The following ITGA1 variants were observed in gnomAD, a reference collection of about 807,000 sequenced individuals.
The protein encoded by ITGA1 is integrin subunit alpha 1.
A neutral mutation model predicts 145.9 loss-of-function variants in ITGA1; 85 were observed. The observed-to-expected ratio is 0.58, with a 90% confidence interval of 0.49 to 0.70. ITGA1 has a LOEUF of 0.70. Among genes scored for constraint, ITGA1 ranks in the 30% least tolerant of loss-of-function variants. The pLI is 0.00. For missense variants in ITGA1, 1,351 were observed against 1,418.7 expected (o/e 0.95, Z 0.77); for synonymous variants, 520 against 495.3 (o/e 1.05, Z -0.66).
chr5:52,870,493 AGAAAGG>A (rs1163697235), intron 6 of ITGA1, among the ~76,000 whole-genome samples: 6 of 152,232 alleles, frequency 3.9e-5, no homozygotes, highest in Non-Finnish European at 7.3e-5. Context: ...GAGCCTACTC[AGAAAGG>A]CTTCAGTGGG....
chr5:52,799,042 CCT>C (rs1748400692), intron 1 of ITGA1, among the ~76,000 whole-genome samples: 1 of 152,150 alleles, frequency 6.6e-6, no homozygotes, highest in Non-Finnish European at 1.5e-5. Flanking sequence ...TCCTTTCATC[CCT>C]GTTTCATCTG....
chr5:52,942,001 C>A (rs1485399881), intron 26 of ITGA1, among the ~76,000 whole-genome samples: 1 of 152,094 alleles, frequency 6.6e-6, no homozygotes, highest in African/African-American at 2.4e-5. Flanking sequence ...TATGGCTAGC[C>A]AGTTATCCCA....
In ITGA1 at chr5:52,881,937, C is replaced by T; in HGVS notation, c.689C>T (p.Thr230Ile). The T allele has an allele frequency of 6.2e-7, 1 of 1,613,586 alleles. No individual in the cohort carries two copies. Among genetic ancestry groups the T allele is most frequent in the East Asian group, 2.2e-5 (1 of 44,866 alleles). ...HEFNLNKYSSTEEVLVAAKKI... is the reference protein window; with the variant it reads ...HEFNLNKYSSIEEVLVAAKKI... ...TTCAACCTCAATAAGTATTCTTCCA[C>T]CGAAGAGGTACTTGTTGCAGCAAAG... Residue 230 changes from threonine (T) to isoleucine (I), a missense_variant, in exon 7 of 29, where the codon ACC (threonine) becomes ATC (isoleucine). Coordinates refer to ENST00000282588, the MANE Select transcript of ITGA1 (RefSeq NM_181501.2).
intron 18 of ITGA1, among the ~76,000 whole-genome samples, chr5:52,923,791 G>A (rs1382207887): frequency 3.3e-5 from 5 of 152,152 alleles, no homozygotes; most frequent in Non-Finnish European, 7.4e-5. Flanking sequence ...GCAGTGTATG[G>A]TTTAGGTATA....
chr5:52,922,977 A>T, intron 18 of ITGA1, 90 bp downstream of exon 18: 1 of 713,116 alleles, frequency 1.4e-6, no homozygotes, highest in Non-Finnish European at 2.4e-6. Flanking sequence ...CTCTGCATTG[A>T]TCACAAAGAA....
intron 17 of ITGA1, 87 bp from the exon 18 acceptor site, chr5:52,922,690 C>G: frequency 2.4e-6 from 2 of 845,040 alleles, no homozygotes; most frequent in Non-Finnish European, 3.9e-6. Context: ...TAAGCCTGAC[C>G]CTTGGGAACA....
intron 1 of ITGA1, among the ~76,000 whole-genome samples, chr5:52,811,093 C>A (rs1162636413): frequency 1.3e-5 from 2 of 152,106 alleles, no homozygotes; most frequent in Admixed American, 6.5e-5. Flanking sequence ...AATAATTCAA[C>A]GATTATTTGC....
intron 9 of ITGA1, among the ~76,000 whole-genome samples, chr5:52,894,342 G>A (rs139806994): frequency 7.2e-5 from 11 of 152,136 alleles, no homozygotes; most frequent in Admixed American, 6.6e-4. Flanking sequence ...AAAATCCATG[G>A]CAATGAAACA....
intron 15 of ITGA1, among the ~76,000 whole-genome samples, chr5:52,916,003 G>C (rs1415658969): frequency 6.6e-6 from 1 of 152,090 alleles, no homozygotes; most frequent in Non-Finnish European, 1.5e-5. Flanking sequence ...AGCACTCTCT[G>C]ACTCTGTTTA....
chr5:52,917,499 A>G (rs1160913984), intron 15 of ITGA1, among the ~76,000 whole-genome samples: 1 of 151,370 alleles, frequency 6.6e-6, no homozygotes, highest in African/African-American at 2.4e-5. Flanking sequence ...ATTAAGCTAA[A>G]TATCCAATGA....
rs186219898 is a variant in ITGA1, at chr5:52,897,514, G to A, written c.1150G>A (p.Ala384Thr). 10 of 1,612,784 alleles carry A rather than the reference G, an allele frequency of 6.2e-6. No individual in the cohort carries two copies. The highest frequency in any genetic ancestry group is 1.7e-5 in the Admixed American group (1 of 59,954). Residue 384 changes from alanine (A) to threonine (T), a missense_variant, in exon 10 of 29, where the codon GCT becomes ACT. Transcript: ENST00000282588. ...GGAAATGTCTCAGACTGGCTTCAGT[G>A]CTCATTATTCACAGGTATGTTGACC... ...EMEMSQTGFSAHYSQDWVMLG... is the reference protein window; with the variant it reads ...EMEMSQTGFSTHYSQDWVMLG...
At chr5:52,914,414 G>A (rs142243584) in intron 14 of ITGA1, among the ~76,000 whole-genome samples, 169 of 152,114 alleles carry the variant, frequency 1.1e-3, no homozygotes, top group African/African-American at 3.7e-3. Flanking sequence ...CGAGGCAGGC[G>A]GATCATGAGG....
At chr5:52,906,326 G>C (rs1750406684) in intron 12 of ITGA1, among the ~76,000 whole-genome samples, 1 of 152,180 alleles carries the variant, frequency 6.6e-6, no homozygotes, top group Admixed American at 6.5e-5. Context: ...AGCAGTGAAA[G>C]AGAAAGTTAA....
chr5:52,885,421 T>C (rs1750031833), intron 7 of ITGA1, among the ~76,000 whole-genome samples: 1 of 152,032 alleles, frequency 6.6e-6, no homozygotes, highest in South Asian at 2.1e-4. Flanking sequence ...ATTCAACAGA[T>C]TAGAATATCT....
chr5:52,897,453 A>T lies in ITGA1; in HGVS notation c.1091-2A>T. 2 of 1,605,002 alleles carry T rather than the reference A, an allele frequency of 1.2e-6. No individual in the cohort carries two copies. Among genetic ancestry groups the T allele is most frequent in the Non-Finnish European group, 1.7e-6 (2 of 1,172,348 alleles). ...TTACAGTGATATTTTCCTATGTTAT[A>T]GCCACAGCTGACCAGTCAGCAGCTT... On this transcript the variant is annotated splice_acceptor_variant, in intron 9 of 28. Coordinates refer to ENST00000282588, the MANE Select transcript of ITGA1 (RefSeq NM_181501.2). LOFTEE classifies it high-confidence loss of function.
chr5:52,882,624 TC>T (rs1561236418), intron 7 of ITGA1, among the ~76,000 whole-genome samples: 1 of 152,180 alleles, frequency 6.6e-6, no homozygotes, highest in African/African-American at 2.4e-5. Flanking sequence ...CTTTCTTCCA[TC>T]TGCAGTTTTC....
intron 7 of ITGA1, among the ~76,000 whole-genome samples, chr5:52,887,266 C>T (rs1245241178): frequency 3.3e-5 from 5 of 152,096 alleles, no homozygotes; most frequent in African/African-American, 4.8e-5. Flanking sequence ...TGCAGATGTC[C>T]CTATCCCCAG....
chr5:52,796,373 T>G (rs183141498), intron 1 of ITGA1, among the ~76,000 whole-genome samples: 125 of 151,986 alleles, frequency 8.2e-4, no homozygotes, highest in African/African-American at 2.7e-3. Context: ...TAGATATAAT[T>G]AAAGTTACTG....
At position 52,927,581 on chromosome 5, in the gene ITGA1, T is replaced by C; in HGVS notation, c.2614-3T>C. ...TCTGATTCTGTTTGCTTTCTCTTCC[T>C]AGGCTATCCAAAAAGACAGTTGTGA... On this transcript the variant is annotated splice_polypyrimidine_tract_variant and splice_region_variant and intron_variant, in intron 19 of 28. Coordinates refer to ENST00000282588, the MANE Select transcript of ITGA1 (RefSeq NM_181501.2). 1 of 1,603,436 alleles carries C rather than the reference T, an allele frequency of 6.2e-7. No homozygotes were observed. The highest frequency in any genetic ancestry group is 1.3e-5 in the African/African-American group (1 of 74,814).
Sources: allele counts gnomAD v4.1 joint callset (sites outside exome capture counted in the v4.1 genomes callset), GRCh38; gene constraint gnomAD v4.1.1; transcripts MANE v1.5; gene names NCBI Gene and HGNC (gene_info 2026-07-23, HGNC 2026-07-21).